The following NEMP2 variants were observed in gnomAD, a reference collection of about 807,000 sequenced individuals.
NEMP2 encodes the protein UPF0571 transmembrane protein.
In NEMP2, 53 loss-of-function variants were observed where a neutral mutation model predicts 54.2. The ratio of observed to expected loss-of-function variants is 0.98; its 90% CI spans 0.78 to 1.23. The LOEUF is 1.23. Among genes scored for constraint, NEMP2 ranks in the 50% most tolerant of loss-of-function variants. NEMP2 has a pLI of 0.00. For synonymous variants in NEMP2, 197 were observed against 190.3 expected (o/e 1.04, Z -0.29); for missense variants, 455 against 511.3 (o/e 0.89, Z 1.06).
At chr2:190,442,759 T>G in the NEMP2 span, 2 of 152,078 alleles carry the variant, frequency 1.3e-5, no homozygotes, top group Non-Finnish European at 2.9e-5. Flanking sequence ...GGTTTGAAAT[T>G]GAAACATCTA....
At chr2:190,566,699 G>A in the NEMP2 span, among the ~76,000 whole-genome samples, 1 of 136,552 alleles carries the variant, frequency 7.3e-6, no homozygotes, top group Non-Finnish European at 1.7e-5. Flanking sequence ...AGGAAGGAGA[G>A]AGGAAGGAGG....
the NEMP2 span, among the ~76,000 whole-genome samples, chr2:190,634,038 C>CTCCA: frequency 6.6e-6 from 1 of 152,154 alleles, no homozygotes; most frequent in Non-Finnish European, 1.5e-5. The surrounding 1 kb of genome is among the most constrained non-coding windows in gnomAD (Gnocchi z 6.8). Context: ...TGCCACTTCA[C>CTCCA]TCCAGCCTGG....
the NEMP2 span, among the ~76,000 whole-genome samples, chr2:190,601,315 G>A: frequency 1.2e-4 from 18 of 152,182 alleles, no homozygotes; most frequent in Non-Finnish European, 2.2e-4. This position sits in a 1 kb window ranked among gnomAD's most constrained non-coding sequence, Gnocchi z 5.8. Context: ...AGCATGCCCT[G>A]TCTGCACCCT....
the NEMP2 span, among the ~76,000 whole-genome samples, chr2:190,453,381 C>T: frequency 9.9e-5 from 15 of 152,190 alleles, no homozygotes; most frequent in East Asian, 2.5e-3. Context: ...CATTGATAAG[C>T]CCAGATTTAG....
chr2:190,497,722 A>G, the NEMP2 span: 2 of 1,609,194 alleles, frequency 1.2e-6, no homozygotes, highest in South Asian at 2.2e-5. The surrounding 1 kb of genome is among the most constrained non-coding windows in gnomAD (Gnocchi z 5.2). Context: ...CTTTACAGGT[A>G]CAGTTCCTTT....
Position 190,525,283 on chromosome 2 carries a change from A to G in NEMP2, c.193T>C (p.Tyr65His). Residue 65 changes from tyrosine to histidine, a missense_variant, in exon 2 of 9, where the codon TAC (tyrosine) becomes CAC (histidine). This residue lies in a region of NEMP2 where 61 missense variants were observed against 97.5 expected (regional missense o/e 0.63). Transcript: ENST00000409150. The surrounding 1 kb of genome is among the most constrained non-coding windows in gnomAD (Gnocchi z 5.0). ...CTTACCTGCATAGTTGACCATATGTATTTCCACTCCACTTGGGAATTTTGA... is the reference window on the plus strand; with the variant it reads ...CTTACCTGCATAGTTGACCATATGTGTTTCCACTCCACTTGGGAATTTTGA... ...YNQNSQVEWK[Y>H]IWSTMQVKIT... The G allele has an allele frequency of 1.3e-6, 2 of 1,546,886 alleles. No homozygotes were observed. The highest frequency in any genetic ancestry group is 1.7e-6 in the Non-Finnish European group (2 of 1,142,888).
At chr2:190,431,841 T>C in the NEMP2 span, among the ~76,000 whole-genome samples, 3 of 152,262 alleles carry the variant, frequency 2.0e-5, no homozygotes, top group African/African-American at 4.8e-5. The surrounding 1 kb of genome is among the most constrained non-coding windows in gnomAD (Gnocchi z 4.4). Context: ...ATAATACTTA[T>C]AAATTCCAGA....
the NEMP2 span, chr2:190,608,073 T>C: frequency 6.6e-6 from 1 of 152,236 alleles, no homozygotes; most frequent in South Asian, 2.1e-4. This position sits in a 1 kb window ranked among gnomAD's most constrained non-coding sequence, Gnocchi z 4.9. Flanking sequence ...GTGTAAACTT[T>C]CAAGCTGTCC....
the NEMP2 span, among the ~76,000 whole-genome samples, chr2:190,490,744 A>C: frequency 6.6e-6 from 1 of 152,112 alleles, no homozygotes; most frequent in Non-Finnish European, 1.5e-5. This position sits in a 1 kb window ranked among gnomAD's most constrained non-coding sequence, Gnocchi z 4.5. Context: ...GGATGAAAAT[A>C]TTTTTGCTCA....
At chr2:190,587,018 T>C in the NEMP2 span, among the ~76,000 whole-genome samples, 3 of 152,212 alleles carry the variant, frequency 2.0e-5, no homozygotes, top group African/African-American at 4.8e-5. The surrounding 1 kb of genome is among the most constrained non-coding windows in gnomAD (Gnocchi z 5.4). Flanking sequence ...ACCACTTCCA[T>C]GTACATCGTA....
At chr2:190,479,823 A>G in the NEMP2 span, among the ~76,000 whole-genome samples, 22,300 of 152,156 alleles carry the variant, frequency 0.15, 1,847 homozygotes, top group Middle Eastern at 0.22. Flanking sequence ...AGGATGCTCT[A>G]TCAGTGGGAG....
At chr2:190,640,063 G>A in the NEMP2 span, among the ~76,000 whole-genome samples, 3 of 152,038 alleles carry the variant, frequency 2.0e-5, no homozygotes, top group Admixed American at 6.5e-5. Flanking sequence ...TGTTTATTTA[G>A]GTAGAGAGAT....
At chr2:190,535,043 A>T (rs1030345010), upstream of NEMP2, 3 of 174,978 alleles carry the variant, frequency 1.7e-5, no homozygotes, top group Admixed American at 6.3e-5. Context: ...AGAGAGGAAG[A>T]GTCGCTAACC....
chr2:190,641,916 T>C, the NEMP2 span, among the ~76,000 whole-genome samples: 79 of 152,242 alleles, frequency 5.2e-4, no homozygotes, highest in Non-Finnish European at 6.3e-4. Flanking sequence ...GAAATTCTCT[T>C]AAGAAAGTCT....
upstream of NEMP2, among the ~76,000 whole-genome samples, chr2:190,538,094 C>G (rs1174613019): frequency 6.6e-6 from 1 of 152,114 alleles, no homozygotes; most frequent in East Asian, 1.9e-4. The surrounding 1 kb of genome is among the most constrained non-coding windows in gnomAD (Gnocchi z 4.1). Context: ...CAAACTAAAA[C>G]AGGGAAAAAA....
At chr2:190,644,168 T>TA in the NEMP2 span, among the ~76,000 whole-genome samples, 912 of 146,882 alleles carry the variant, frequency 6.2e-3, 4 homozygotes, top group African/African-American at 7.9e-3. This position sits in a 1 kb window ranked among gnomAD's most constrained non-coding sequence, Gnocchi z 4.4. Flanking sequence ...TTCCTCATTG[T>TA]AAAAAAAAAA....
chr2:190,617,070 G>A, the NEMP2 span: 2 of 151,326 alleles, frequency 1.3e-5, no homozygotes, highest in Non-Finnish European at 2.9e-5. The surrounding 1 kb of genome is among the most constrained non-coding windows in gnomAD (Gnocchi z 5.0). Context: ...AGGTTGGAGT[G>A]AGCCCCGATC....
chr2:190,546,200 C>T, the NEMP2 span, among the ~76,000 whole-genome samples: 1 of 152,162 alleles, frequency 6.6e-6, no homozygotes, highest in South Asian at 2.1e-4. This position sits in a 1 kb window ranked among gnomAD's most constrained non-coding sequence, Gnocchi z 5.1. Flanking sequence ...TGGCCTTACT[C>T]AACCACAGAC....
the NEMP2 span, among the ~76,000 whole-genome samples, chr2:190,614,846 T>A: frequency 1.3e-5 from 2 of 152,116 alleles, no homozygotes; most frequent in Non-Finnish European, 2.9e-5. The surrounding 1 kb of genome is among the most constrained non-coding windows in gnomAD (Gnocchi z 5.7). Flanking sequence ...AACAATAGGC[T>A]CCCAGCATAC....
Sources: gnomAD v4.1 joint callset for allele counts (sites outside exome capture counted in the v4.1 genomes callset) on GRCh38, gnomAD v4.1.1 for gene constraint, gnomAD v4.1.1 regional missense constraint, Gnocchi (gnomAD v3.1) non-coding constraint, MANE v1.5 for transcripts, NCBI Gene and HGNC (gene_info 2026-07-23, HGNC 2026-07-21) for gene names.